Variants in FBXW7 observed in about 807,000 individuals in gnomAD.
The protein encoded by FBXW7 is F-box/WD repeat-containing protein 7.
Under a neutral mutation model 86.3 loss-of-function variants are expected in FBXW7, and 11 were observed. The ratio of observed to expected loss-of-function variants is 0.13; its 90% CI spans 0.08 to 0.21. The LOEUF is 0.21. FBXW7 is among the 10% of genes least tolerant of loss of function. The pLI, the probability that FBXW7 is intolerant of heterozygous loss-of-function variation, is 1.00. For synonymous variants in FBXW7, 313 were observed against 297.9 expected (o/e 1.05, Z -0.52); for missense variants, 488 against 847.4 (o/e 0.58, Z 5.27).
intron 4 of FBXW7, among the ~76,000 whole-genome samples, chr4:152,402,840 G>A (rs1737071021): frequency 6.6e-6 from 1 of 152,190 alleles, no homozygotes; most frequent in African/African-American, 2.4e-5. Flanking sequence ...CTAGGTAGAA[G>A]AACAAGGACC....
rs573754169 is a variant in FBXW7 at position 152,471,812 on chromosome 4, A to G, written c.-119-59283T>C. ...CTACTCAGAAGGCTGAAGCAGGAGG[A>G]CTGCTTGAGCCCAAGAGTTCAAGGC... On this transcript the variant is annotated intron_variant, in intron 2 of 13. Coordinates refer to ENST00000281708, the MANE Select transcript of FBXW7 (RefSeq NM_001349798.2). 3.1e-3 allele frequency among the ~76,000 whole-genome samples: 465 copies of G among 152,248 alleles called. 1 individual carries two copies. The highest frequency in any genetic ancestry group is 5.0e-3 in the Non-Finnish European group (338 of 68,008).
chr4:152,500,084 T>C (rs959801096), intron 2 of FBXW7, among the ~76,000 whole-genome samples: 3 of 152,322 alleles, frequency 2.0e-5, no homozygotes, highest in Non-Finnish European at 2.9e-5. Flanking sequence ...TTACTTTTCA[T>C]ATATGCTGGC....
intron 2 of FBXW7, among the ~76,000 whole-genome samples, chr4:152,448,997 G>C (rs533221816): frequency 1.3e-5 from 2 of 152,052 alleles, no homozygotes; most frequent in East Asian, 3.8e-4. Context: ...AAATGCACAC[G>C]ATTTCAACAA....
intron 4 of FBXW7, among the ~76,000 whole-genome samples, chr4:152,375,769 C>T (rs1734448042): frequency 6.6e-6 from 1 of 151,978 alleles, no homozygotes; most frequent in African/African-American, 2.4e-5. Context: ...AAACCCCATG[C>T]TGTTTTTGAA....
intron 4 of FBXW7, among the ~76,000 whole-genome samples, chr4:152,391,881 T>G (rs898743369): frequency 6.6e-6 from 1 of 152,170 alleles, no homozygotes; most frequent in African/African-American, 2.4e-5. Flanking sequence ...TTCCACAGAA[T>G]GTTACATCCT....
chr4:152,334,018 C>T (rs186202700), intron 7 of FBXW7, among the ~76,000 whole-genome samples: 25 of 152,208 alleles, frequency 1.6e-4, no homozygotes, highest in Middle Eastern at 6.8e-3. Flanking sequence ...CACGTCGTTG[C>T]ACTCCAGCCC....
chr4:152,466,432 G>A (rs2149642214), intron 2 of FBXW7, among the ~76,000 whole-genome samples: 1 of 152,044 alleles, frequency 6.6e-6, no homozygotes, highest in South Asian at 2.1e-4. Flanking sequence ...GCACATGCCT[G>A]TAATCGCAGC....
At chr4:152,364,850 T>C (rs1337126011) in intron 4 of FBXW7, among the ~76,000 whole-genome samples, 1 of 152,188 alleles carries the variant, frequency 6.6e-6, no homozygotes, top group Admixed American at 6.6e-5. Flanking sequence ...ATAATTATAT[T>C]CTACCTAATA....
At chr4:152,439,487 G>C (rs1485729986) in intron 2 of FBXW7, among the ~76,000 whole-genome samples, 1 of 152,030 alleles carries the variant, frequency 6.6e-6, no homozygotes, top group Non-Finnish European at 1.5e-5. Flanking sequence ...CTCAGAAACC[G>C]ATTTTCAGGG....
At chr4:152,330,069 A>G (rs959152997) in intron 9 of FBXW7, among the ~76,000 whole-genome samples, 1 of 151,954 alleles carries the variant, frequency 6.6e-6, no homozygotes, top group Non-Finnish European at 1.5e-5. Flanking sequence ...ACAATAATCT[A>G]TTCCATCTGT....
At position 152,460,413 on chromosome 4, in the gene FBXW7, T is replaced by C. The variant is rs574616764; in HGVS notation, c.-119-47884A>G. Among the ~76,000 whole-genome samples the C allele has an allele frequency of 1.9e-4, 29 of 152,344 alleles. No individual in the cohort carries two copies. The South Asian group carries it at 6.0e-3, about 32-fold the overall frequency. On this transcript the variant is annotated intron_variant, in intron 2 of 13. Coordinates refer to ENST00000281708, the MANE Select transcript of FBXW7 (RefSeq NM_001349798.2). ...TAAAAATTAGAGTAAATTATGTATT[T>C]ACTAGTTTTGATGTTGATTTCCTCC...
intron 6 of FBXW7, among the ~76,000 whole-genome samples, chr4:152,338,545 G>A (rs1050501529): frequency 3.3e-5 from 5 of 151,940 alleles, no homozygotes; most frequent in African/African-American, 7.2e-5. Flanking sequence ...GTGGTAAAAT[G>A]AGAATATAAA....
At chr4:152,331,056 T>G (rs1170098474) in intron 8 of FBXW7, among the ~76,000 whole-genome samples, 188 bp from the exon 9 acceptor site, 1 of 152,098 alleles carries the variant, frequency 6.6e-6, no homozygotes, top group Non-Finnish European at 1.5e-5. Flanking sequence ...ACATTCTATA[T>G]GGCATATTTT....
intron 7 of FBXW7, among the ~76,000 whole-genome samples, chr4:152,336,883 T>TA (rs1334179494): frequency 1.3e-5 from 2 of 152,124 alleles, no homozygotes; most frequent in African/African-American, 4.8e-5. Context: ...ATGATAATCT[T>TA]AAAAAAATGA....
intron 7 of FBXW7, 158 bp from the exon 8 acceptor site, chr4:152,332,877 A>G (rs371072306): frequency 7.4e-4 from 154 of 208,738 alleles, no homozygotes; most frequent in African/African-American, 3.5e-3. Flanking sequence ...CCTAACAAAT[A>G]TATACCAGAT....
intron 4 of FBXW7, among the ~76,000 whole-genome samples, chr4:152,364,460 A>G (rs1208406367): frequency 1.3e-5 from 2 of 152,198 alleles, no homozygotes; most frequent in East Asian, 1.9e-4. Context: ...AAAGTTATGA[A>G]TCATAATATT....
At chr4:152,355,375 A>G (rs1466611160) in intron 4 of FBXW7, among the ~76,000 whole-genome samples, 3 of 152,134 alleles carry the variant, frequency 2.0e-5, no homozygotes, top group African/African-American at 7.2e-5. Flanking sequence ...TCTATGTTAA[A>G]TAAGTTTTTT....
Position 152,535,592 on chromosome 4 carries a change from C to T in FBXW7, c.-678G>A, listed in dbSNP as rs564987386. On this transcript the variant is annotated 5_prime_UTR_variant, in exon 1 of 14. Coordinates refer to ENST00000281708, the MANE Select transcript of FBXW7 (RefSeq NM_001349798.2). ...GCGGGTGGCCGAGTCGGCGGCAAGG[C>T]GAGGGACCCGGCCGGCTCCGCTCGG... 5.0e-6 allele frequency: 2 copies of T among 396,990 alleles called. No individual in the cohort carries two copies. The highest frequency in any genetic ancestry group is 7.1e-5 in the East Asian group (2 of 27,976). 24.6% of individuals were successfully genotyped at this position (396,990 alleles called of 1,614,324 possible).
chr4:152,398,913 T>C (rs1736671517), intron 4 of FBXW7, among the ~76,000 whole-genome samples: 1 of 152,060 alleles, frequency 6.6e-6, no homozygotes, highest in Non-Finnish European at 1.5e-5. Flanking sequence ...TTGATAATAC[T>C]GTTTAAAGTT....
Sources: allele counts gnomAD v4.1 joint callset (sites outside exome capture counted in the v4.1 genomes callset), GRCh38; gene constraint gnomAD v4.1.1; transcripts MANE v1.5; gene names NCBI Gene and HGNC (gene_info 2026-07-23, HGNC 2026-07-21).